The following FPGS variants were observed in gnomAD, a reference collection of about 807,000 sequenced individuals.
FPGS encodes folylpolyglutamate synthase.
FPGS carries 53 observed loss-of-function variants against 66.5 expected under a neutral mutation model. That is an observed-to-expected ratio of 0.80 (90% CI 0.64 to 1.00). FPGS has a LOEUF of 1.00. FPGS is among the 50% of genes least tolerant of loss of function. FPGS has a pLI of 0.00. For synonymous variants in FPGS, 348 were observed against 350.9 expected (o/e 0.99, Z 0.09); for missense variants, 702 against 807.7 (o/e 0.87, Z 1.59).
intron 12 of FPGS, 80 bp downstream of exon 12, chr9:127,809,914 GTGGGGAAGGGCGGGGGCGGGCCCA>G (rs1829993288): frequency 5.7e-6 from 6 of 1,044,144 alleles, no homozygotes; most frequent in Non-Finnish European, 8.6e-6. Context: ...GGGCGGGGTC[GTGGGGAAGGGCGGGGGCGGGCCCA>G]TGGGGAGGGG....
chr9:127,807,592 T>C lies in FPGS; in HGVS notation c.648T>C (p.Pro216=). 1 of 1,613,358 alleles carries C rather than the reference T, an allele frequency of 6.2e-7. No homozygotes were observed. The highest frequency in any genetic ancestry group is 2.2e-5 in the East Asian group (1 of 44,886). Residue 216 remains proline (P), a synonymous_variant, in exon 8 of 15, where the codon CCT becomes CCC. Transcript: ENST00000373247. This position sits in a 1 kb window ranked among gnomAD's most constrained non-coding sequence, Gnocchi z 5.8. The stretch of plus-strand genomic sequence containing the variant: ...GCCTTTTCCTCCCCTGCAGGAAGCC[T>C]GTGGTGTGCGGAGTCTCCTCTCTTG... ...AYDCTNIIRK[P]VVCGVSSLGI... is the part of the protein sequence containing the mutation.
In FPGS at chr9:127,810,108, T is replaced by A; in HGVS notation, c.1287+2T>A. The stretch of plus-strand genomic sequence containing the variant: ...GCGGCCCTGCTGAAGCTGCTGCAGG[T>A]GAGGGGCCAACTTGGGGGTGGGCGG... On this transcript the variant is annotated splice_donor_variant, in intron 13 of 14. Coordinates refer to ENST00000373247, the MANE Select transcript of FPGS (RefSeq NM_004957.6). LOFTEE classifies it high-confidence loss of function. 1 of 1,611,988 alleles carries A rather than the reference T, an allele frequency of 6.2e-7. No individual in the cohort carries two copies.
rs543307606 is a variant in FPGS, at chr9:127,808,888, C to T, written c.1059C>T (p.Leu353=). The part of the protein sequence containing the change: ...PVFQPTSHMR[L]GLRNTEWPGR... ...TCCAGCCCACATCCCACATGCGGCT[C>T]GGTGAGTTAGACCTTCCTGCCCAGC... The change falls in exon 11 of 15, where the codon CTC becomes CTT. Residue 353 remains leucine, a splice_region_variant and synonymous_variant. Transcript: ENST00000373247. The T allele has an allele frequency of 3.3e-4, 519 of 1,557,908 alleles. 3 individuals are homozygous for T. In the South Asian group the frequency reaches 5.0e-3, roughly 15 times the overall value.
rs148978468 is a variant in FPGS at position 127,804,516 on chromosome 9, G to T, written c.285G>T (p.Arg95=). Residue 95 remains arginine (R), a synonymous_variant, in exon 3 of 15, where the codon CGG becomes CGT. Transcript: ENST00000373247. ...RSGLQVEDLD[R]LNIIHVTGTK... is the part of the protein sequence containing the mutation. ...TGTCCCAGGTGGAGGACTTGGACCG[G>T]CTGAACATCATCCACGTCACTGGGA... The T allele has an allele frequency of 1.6e-4, 264 of 1,614,182 alleles. No homozygotes were observed. The African/African-American group carries it at 3.2e-3, about 20-fold the overall frequency.
Position 127,802,939 on chromosome 9 carries a change from G to A in FPGS, c.15G>A (p.Arg5=). The change falls in exon 1 of 15, where the codon CGG becomes CGA. Residue 5 remains arginine, a synonymous_variant. Coordinates refer to ENST00000373247, the MANE Select transcript of FPGS (RefSeq NM_004957.6). MSRA[R]SHLRAALFLA... ...GCGCCGGGACTATGTCGCGGGCGCG[G>A]AGCCACCTGCGCGCCGCTCTATTCC... 1.4e-6 allele frequency: 2 copies of A among 1,397,338 alleles called. No homozygotes were observed. The highest frequency in any genetic ancestry group is 1.8e-6 in the Non-Finnish European group (2 of 1,082,088). 86.6% of individuals were successfully genotyped at this position (1,397,338 alleles called of 1,614,324 possible).
In FPGS at chr9:127,808,630, G is replaced by A. The variant is rs1829927723; in HGVS notation, c.895G>A (p.Gly299Arg). ...GCCGCCGCTGACCCTGGGCCTGGAG[G>A]GGGAGCACCAGCGGTCCAACGCCGC... ...GGPPLTLGLE[G>R]EHQRSNAALA... Residue 299 changes from glycine to arginine, a missense_variant, in exon 10 of 15, where the codon GGG becomes AGG. By Grantham distance (125) the Gly-to-Arg change is moderately radical. This residue lies in a region of FPGS where 240 missense variants were observed against 348.6 expected (regional missense o/e 0.69). Transcript: ENST00000373247. 1 of 1,611,526 alleles carries A rather than the reference G, an allele frequency of 6.2e-7. No individual in the cohort carries two copies. The highest frequency in any genetic ancestry group is 8.5e-7 in the Non-Finnish European group (1 of 1,179,458).
At position 127,813,506 on chromosome 9, in the gene FPGS, A is replaced by G. The variant is rs1830179405; in HGVS notation, c.1666A>G (p.Ile556Val). 1.9e-6 allele frequency: 3 copies of G among 1,612,700 alleles called. No homozygotes were observed. The highest frequency in any genetic ancestry group is 1.7e-6 in the Non-Finnish European group (2 of 1,179,522). Reference protein sequence around the residue: ...THPVAHSGASILREAAAIHVL... With the variant: ...THPVAHSGASVLREAAAIHVL... ...CCCTGTGGCTCACAGTGGGGCCAGC[A>G]TACTCCGTGAGGCTGCTGCCATCCA... The change falls in exon 15 of 15, where the codon ATA becomes GTA. Residue 556 changes from isoleucine (I) to valine (V), a missense_variant. Coordinates refer to ENST00000373247, the MANE Select transcript of FPGS (RefSeq NM_004957.6).
intron 13 of FPGS, among the ~76,000 whole-genome samples, chr9:127,810,376 A>G (rs1213229671): frequency 6.6e-6 from 1 of 151,656 alleles, no homozygotes; most frequent in Non-Finnish European, 1.5e-5. Context: ...CTCGCTTGTC[A>G]TGCCCCTTTA....
chr9:127,804,242 C>G, intron 1 of FPGS, 43 bp from the exon 2 acceptor site: 2 of 1,600,670 alleles, frequency 1.2e-6, no homozygotes, highest in Non-Finnish European at 1.7e-6. Flanking sequence ...CCTGTGGACC[C>G]TGAGTGAGCC....
In FPGS at chr9:127,807,539, G is replaced by T. The variant is rs780714414; in HGVS notation, c.642-47G>T. ...AGCCAGGAGCACAGCCTCACCTGCCGCCTGGTGGCTCAGGGCAGGGCCTCA... is the reference window on the plus strand; with the variant it reads ...AGCCAGGAGCACAGCCTCACCTGCCTCCTGGTGGCTCAGGGCAGGGCCTCA... On this transcript the variant is annotated intron_variant, in intron 7 of 14. Coordinates refer to ENST00000373247, the MANE Select transcript of FPGS (RefSeq NM_004957.6). The surrounding 1 kb of genome is among the most constrained non-coding windows in gnomAD (Gnocchi z 5.8). 3.1e-6 allele frequency: 5 copies of T among 1,610,948 alleles called. No individual in the cohort carries two copies. The East Asian group carries it at 6.7e-5, about 22-fold the overall frequency.
chr9:127,803,301 G>T, intron 1 of FPGS: 1 of 1,227,436 alleles, frequency 8.1e-7, no homozygotes, highest in Non-Finnish European at 1.0e-6. Flanking sequence ...TGGGAAGTGG[G>T]AAGTGGCACA....
intron 4 of FPGS, 113 bp from the exon 5 acceptor site, chr9:127,806,860 C>G: frequency 1.3e-6 from 1 of 770,516 alleles, no homozygotes; most frequent in Non-Finnish European, 2.2e-6. Flanking sequence ...AGGAACAAAC[C>G]GAGGGACACA....
chr9:127,810,233 G>GGCAGAACCAGCACA, intron 13 of FPGS, 127 bp downstream of exon 13: 2 of 816,690 alleles, frequency 2.4e-6, no homozygotes, highest in Non-Finnish European at 4.0e-6. Flanking sequence ...CAAGGTGCCT[G>GGCAGAACCAGCACA]TGCTGGTTCT....
At chr9:127,804,612 C>A in intron 3 of FPGS, 24 bp from the exon 4 acceptor site, 1 of 1,614,084 alleles carries the variant, frequency 6.2e-7, no homozygotes, top group Non-Finnish European at 8.5e-7. Context: ...TAGAGCCTGC[C>A]CAGACAATCC....
intron 9 of FPGS, 49 bp from the exon 10 acceptor site, chr9:127,808,509 C>T (rs151191184): frequency 3.2e-5 from 52 of 1,605,620 alleles, no homozygotes; most frequent in Admixed American, 1.5e-4. Flanking sequence ...CAAGGGCTGA[C>T]GTGGTCAGGG....
intron 14 of FPGS, 130 bp from the exon 15 acceptor site, chr9:127,813,065 G>C (rs531666244): frequency 1.3e-5 from 18 of 1,361,958 alleles, no homozygotes; most frequent in Admixed American, 5.7e-5. Flanking sequence ...GCCACTAGCC[G>C]AGACTGCTGG....
chr9:127,811,233 C>CT (rs1280240059), intron 14 of FPGS, among the ~76,000 whole-genome samples: 2 of 152,098 alleles, frequency 1.3e-5, no homozygotes, highest in Non-Finnish European at 2.9e-5. Context: ...AATCCCAGCA[C>CT]TTTGGGAGGC....
At chr9:127,809,867 TG>T in intron 12 of FPGS, 33 bp downstream of exon 12, 1 of 995,450 alleles carries the variant, frequency 1.0e-6, no homozygotes, top group Non-Finnish European at 1.4e-6. Context: ...GGGCCGGGGC[TG>T]GCCCACGAGG....
intron 13 of FPGS, among the ~76,000 whole-genome samples, 161 bp from the exon 14 acceptor site, chr9:127,810,784 G>A (rs1415944013): frequency 6.6e-6 from 1 of 152,240 alleles, no homozygotes; most frequent in Non-Finnish European, 1.5e-5. Context: ...TACTGAGGCA[G>A]ATGGGGGCAG....
Sources: gnomAD v4.1 joint callset for allele counts (sites outside exome capture counted in the v4.1 genomes callset) on GRCh38, gnomAD v4.1.1 for gene constraint, gnomAD v4.1.1 regional missense constraint, Gnocchi (gnomAD v3.1) non-coding constraint, MANE v1.5 for transcripts, NCBI Gene and HGNC (gene_info 2026-07-23, HGNC 2026-07-21) for gene names.